Variants in SS18L2 observed in about 807,000 individuals in gnomAD.
SS18L2 encodes the protein SS18 like 2.
SS18L2 carries 8 observed loss-of-function variants against 10.3 expected under a neutral mutation model. The observed-to-expected ratio is 0.78, with a 90% CI of 0.46 to 1.41. The LOEUF is 1.41. SS18L2 is among the 40% of genes most tolerant of loss of function. The pLI, the probability that SS18L2 is intolerant of heterozygous loss-of-function variation, is 0.00. For synonymous variants in SS18L2, 41 were observed against 34.6 expected, an observed-to-expected ratio of 1.19 and a Z score of -0.65; for missense variants, 100 against 96.2, an observed-to-expected ratio of 1.04 and a Z score of -0.17.
chr3:42,587,251 G>A (rs922237194), upstream of SS18L2, among the ~76,000 whole-genome samples: 4 of 152,154 alleles, frequency 2.6e-5, no homozygotes, highest in African/African-American at 9.7e-5. Context: ...TTACTCCTAG[G>A]AGAGTACAGA....
At chr3:42,587,284 T>G (rs1704643800), upstream of SS18L2, 1 of 152,286 alleles carries the variant, frequency 6.6e-6, no homozygotes, top group Admixed American at 6.5e-5. Context: ...GTGTCCTGCT[T>G]AACCTCCACT....
chr3:42,585,576 T>C (rs1486930854), intron 1 of SS18L2, among the ~76,000 whole-genome samples: 2 of 152,222 alleles, frequency 1.3e-5, no homozygotes, highest in Non-Finnish European at 2.9e-5. Context: ...CATCGAGTCT[T>C]CATTTCCTTC....
At chr3:42,590,123 C>T (rs974341540), upstream of SS18L2, among the ~76,000 whole-genome samples, 10 of 152,144 alleles carry the variant, frequency 6.6e-5, no homozygotes, top group Non-Finnish European at 1.3e-4. Context: ...ATTCCTGCCC[C>T]AAATAAGTCC....
chr3:42,589,058 T>C (rs546383645), upstream of SS18L2, among the ~76,000 whole-genome samples: 6 of 150,404 alleles, frequency 4.0e-5, no homozygotes, highest in East Asian at 1.2e-3. Context: ...AGGTCAGGAG[T>C]TCAAGACTAG....
chr3:42,588,886 C>T (rs1295839593), upstream of SS18L2, among the ~76,000 whole-genome samples: 3 of 152,146 alleles, frequency 2.0e-5, no homozygotes, highest in South Asian at 2.1e-4. Context: ...GTTAACAGTG[C>T]AGGCTTGGTA....
At chr3:42,593,759 G>C (rs565225880) in intron 2 of SS18L2, among the ~76,000 whole-genome samples, 1 of 152,330 alleles carries the variant, frequency 6.6e-6, no homozygotes, top group African/African-American at 2.4e-5. Context: ...TAAGTGGGGG[G>C]AGGAGTGCTA....
upstream of SS18L2, among the ~76,000 whole-genome samples, chr3:42,586,755 A>G (rs550775562): frequency 3.9e-5 from 6 of 152,266 alleles, no homozygotes; most frequent in Non-Finnish European, 8.8e-5. Context: ...GTCAGTTTCT[A>G]CAAGTGATGT....
upstream of SS18L2, among the ~76,000 whole-genome samples, chr3:42,587,933 C>T (rs1032846694): frequency 2.0e-5 from 3 of 151,464 alleles, no homozygotes; most frequent in Non-Finnish European, 4.4e-5. Context: ...ATTAGCTGGG[C>T]GTGGTGGTGC....
intron 2 of SS18L2, among the ~76,000 whole-genome samples, 181 bp downstream of exon 2, chr3:42,591,782 GGA>G (rs1352756792): frequency 6.6e-6 from 1 of 152,132 alleles, no homozygotes; most frequent in African/African-American, 2.4e-5. Flanking sequence ...AGTACACTGC[GGA>G]GCCTGGAGTC....
intron 2 of SS18L2, among the ~76,000 whole-genome samples, chr3:42,593,879 C>G (rs946623678): frequency 6.6e-6 from 1 of 152,094 alleles, no homozygotes; most frequent in Non-Finnish European, 1.5e-5. Flanking sequence ...GAGAAAGCAT[C>G]AGGTGGAAAA....
At chr3:42,591,473 G>A in intron 1 of SS18L2, 52 bp from the exon 2 acceptor site, 2 of 1,391,748 alleles carry the variant, frequency 1.4e-6, no homozygotes, top group Non-Finnish European at 2.0e-6. Flanking sequence ...GGTTACAGGC[G>A]TGAGCCACTG....
rs185789321 is a variant in SS18L2 at position 42,584,155 on chromosome 3, G to A, written c.-90+2197G>A. 2.0e-5 allele frequency among the ~76,000 whole-genome samples: 3 copies of A among 152,302 alleles called. No homozygotes were observed. In the South Asian group the frequency reaches 6.2e-4, roughly 32 times the overall value. On this transcript the variant is annotated intron_variant, in intron 1 of 3. Transcript: ENST00000447630. The stretch of plus-strand genomic sequence containing the variant: ...TATAGATCTATATTGTAGATATATA[G>A]ATATCACATTGGTTCTCTCTCTCTG...
chr3:42,588,442 T>A (rs116181293), upstream of SS18L2, among the ~76,000 whole-genome samples: 2,475 of 152,166 alleles, frequency 0.016, 29 homozygotes, highest in Middle Eastern at 0.027. Context: ...TTCACTTTAT[T>A]CCTCAAAACA....
At chr3:42,590,447 G>A (rs190519941), upstream of SS18L2, among the ~76,000 whole-genome samples, 789 of 152,288 alleles carry the variant, frequency 5.2e-3, 7 homozygotes, top group African/African-American at 0.018. Flanking sequence ...TGGCTAATAT[G>A]GTGAAACCCC....
intron 2 of SS18L2, 118 bp from the exon 3 acceptor site, chr3:42,594,304 C>T: frequency 1.4e-6 from 1 of 717,630 alleles, no homozygotes; most frequent in Non-Finnish European, 2.5e-6. Flanking sequence ...GTTGATAACA[C>T]TGAATCATCC....
At position 42,594,843 on chromosome 3, in the gene SS18L2, G is replaced by C. The variant is rs1315293570; in HGVS notation, c.*334G>C. The C allele has an allele frequency of 5.6e-6, 1 of 178,954 alleles. No individual in the cohort carries two copies. Among genetic ancestry groups the C allele is most frequent in the Non-Finnish European group, 1.2e-5 (1 of 84,986 alleles). 11.1% of individuals were successfully genotyped at this position (178,954 alleles called of 1,614,324 possible). A position where few individuals can be genotyped will look rare whatever the true frequency, so the allele number is the denominator to read the frequency against. On this transcript the variant is annotated 3_prime_UTR_variant, in exon 3 of 3. Coordinates refer to ENST00000011691, the MANE Select transcript of SS18L2 (RefSeq NM_001370300.1). Reference sequence around the variant, plus strand: ...AGTTTCAACCTGAAGAGGAAACTCAGTAGGTGTTGGGCAGGAATTGGTGAG... The same window carrying C: ...AGTTTCAACCTGAAGAGGAAACTCACTAGGTGTTGGGCAGGAATTGGTGAG...
chr3:42,593,496 G>C (rs969501520), intron 2 of SS18L2, among the ~76,000 whole-genome samples: 2 of 152,112 alleles, frequency 1.3e-5, no homozygotes, highest in African/African-American at 4.8e-5. Flanking sequence ...TTTTTATAAG[G>C]GACTTGAGCT....
At chr3:42,585,917 C>T (rs563822345), upstream of SS18L2, among the ~76,000 whole-genome samples, 10 of 152,190 alleles carry the variant, frequency 6.6e-5, no homozygotes, top group East Asian at 1.7e-3. Context: ...ATCCTGCATG[C>T]TCCCCAGATC....
At chr3:42,582,760 G>A (rs967605180) in intron 1 of SS18L2, among the ~76,000 whole-genome samples, 1 of 152,200 alleles carries the variant, frequency 6.6e-6, no homozygotes, top group Non-Finnish European at 1.5e-5. Flanking sequence ...GGCTAACTAG[G>A]CAAAGGGGAG....
Sources: allele counts gnomAD v4.1 joint callset (sites outside exome capture counted in the v4.1 genomes callset), GRCh38; gene constraint gnomAD v4.1.1; transcripts MANE v1.5; gene names NCBI Gene and HGNC (gene_info 2026-07-23, HGNC 2026-07-21).